The following DAB1 variants were observed in gnomAD, a reference collection of about 807,000 sequenced individuals.
The protein encoded by DAB1 is disabled homolog 1.
A neutral mutation model predicts 64.6 loss-of-function variants in DAB1; 15 were observed. The ratio of observed to expected loss-of-function variants is 0.23; its 90% CI spans 0.16 to 0.36. The LOEUF is 0.36. Among genes scored for constraint, DAB1 ranks in the 10% least tolerant of loss-of-function variants. The pLI is 1.00. For synonymous variants in DAB1, 235 were observed against 251.9 expected, an observed-to-expected ratio of 0.93 and a Z score of 0.64; for missense variants, 596 against 706.7, an observed-to-expected ratio of 0.84 and a Z score of 1.78.
At chr1:57,621,039 GAGAC>G (rs1237641096) in intron 7 of DAB1, among the ~76,000 whole-genome samples, 1 of 151,834 alleles carries the variant, frequency 6.6e-6, no homozygotes, top group African/African-American at 2.4e-5. Flanking sequence ...GAGAGAGAGA[GAGAC>G]AGAATTCACA....
At chr1:57,353,196 C>A (rs1393088362) in intron 1 of DAB1, among the ~76,000 whole-genome samples, 1 of 151,558 alleles carries the variant, frequency 6.6e-6, no homozygotes, top group Non-Finnish European at 1.5e-5. Flanking sequence ...TAATACATAG[C>A]ACTTTTCAGT....
chr1:57,752,641 C>A (rs1247927490), intron 6 of DAB1, among the ~76,000 whole-genome samples: 1 of 152,142 alleles, frequency 6.6e-6, no homozygotes, highest in Non-Finnish European at 1.5e-5. Flanking sequence ...GATGAGCAGA[C>A]TGGTGGTGTG....
At chr1:57,164,418 T>C (rs1661043413) in intron 2 of DAB1, among the ~76,000 whole-genome samples, 1 of 152,152 alleles carries the variant, frequency 6.6e-6, no homozygotes, top group Non-Finnish European at 1.5e-5. Context: ...CCTCCAGATC[T>C]TGGTGATTGA....
At chr1:57,367,166 C>T (rs1015240852) in intron 1 of DAB1, among the ~76,000 whole-genome samples, 2 of 150,616 alleles carry the variant, frequency 1.3e-5, no homozygotes, top group Admixed American at 6.6e-5. Context: ...TCCTAGTTAC[C>T]TGGGAGGCTG....
intron 5 of DAB1, among the ~76,000 whole-genome samples, chr1:57,993,368 T>C (rs767731558): frequency 6.6e-6 from 1 of 152,216 alleles, no homozygotes; most frequent in Non-Finnish European, 1.5e-5. Context: ...AATGAGCAGA[T>C]AATATATTTA....
At chr1:57,038,576 T>C (rs1647305709) in intron 9 of DAB1, among the ~76,000 whole-genome samples, 1 of 152,176 alleles carries the variant, frequency 6.6e-6, no homozygotes, top group South Asian at 2.1e-4. Flanking sequence ...TTACTCCAAT[T>C]TGGGCCTCAC....
intron 7 of DAB1, among the ~76,000 whole-genome samples, chr1:57,504,144 T>C (rs764989725): frequency 5.3e-5 from 8 of 152,340 alleles, no homozygotes; most frequent in Non-Finnish European, 1.2e-4. Context: ...AAATTGTCTA[T>C]ACTGTTAATG....
intron 5 of DAB1, among the ~76,000 whole-genome samples, chr1:58,088,312 C>T (rs759080023): frequency 1.3e-5 from 2 of 152,176 alleles, no homozygotes; most frequent in Non-Finnish European, 2.9e-5. Flanking sequence ...AAATGAGACA[C>T]GGGTTAGCGA....
intron 1 of DAB1, among the ~76,000 whole-genome samples, chr1:57,839,957 A>G (rs1652976153): frequency 6.6e-6 from 1 of 152,222 alleles, no homozygotes; most frequent in African/African-American, 2.4e-5. Context: ...TTTCAATAAG[A>G]GACAGGCATG....
chr1:58,440,110 C>T (rs144994938), intron 3 of DAB1, among the ~76,000 whole-genome samples: 42 of 152,308 alleles, frequency 2.8e-4, no homozygotes, highest in African/African-American at 9.9e-4. Flanking sequence ...ATCCTGTCTG[C>T]AGTAGGAGTG....
intron 1 of DAB1, among the ~76,000 whole-genome samples, chr1:57,419,595 A>T (rs1384629756): frequency 6.6e-6 from 1 of 152,102 alleles, no homozygotes; most frequent in Non-Finnish European, 1.5e-5. Flanking sequence ...AATATCAATG[A>T]TGGAAAACTT....
chr1:58,432,732 T>C (rs931437324), intron 3 of DAB1, among the ~76,000 whole-genome samples: 8 of 152,174 alleles, frequency 5.3e-5, no homozygotes, highest in African/African-American at 1.7e-4. Context: ...AACTGACACT[T>C]TGCCCCAATA....
At chr1:57,533,647 C>T (rs1644691795) in intron 7 of DAB1, among the ~76,000 whole-genome samples, 1 of 146,860 alleles carries the variant, frequency 6.8e-6, no homozygotes, top group Non-Finnish European at 1.5e-5. Flanking sequence ...TACCTACCTA[C>T]CATTCAGCTT....
At chr1:57,035,229 C>A (rs1445683216) in intron 9 of DAB1, among the ~76,000 whole-genome samples, 1 of 152,192 alleles carries the variant, frequency 6.6e-6, no homozygotes, top group Non-Finnish European at 1.5e-5. Context: ...TATGGCAGAG[C>A]CCCTACCAAC....
intron 4 of DAB1, among the ~76,000 whole-genome samples, chr1:58,255,343 G>C (rs1557716348): frequency 6.6e-6 from 1 of 151,892 alleles, no homozygotes; most frequent in Non-Finnish European, 1.5e-5. Context: ...AGAGGCGTTT[G>C]TCACTTGGCA....
At chr1:57,052,780 A>G (rs1370345308) in intron 9 of DAB1, among the ~76,000 whole-genome samples, 2 of 152,200 alleles carry the variant, frequency 1.3e-5, no homozygotes, top group Non-Finnish European at 2.9e-5. Context: ...TTATAGAACC[A>G]TTGATCCATT....
intron 5 of DAB1, among the ~76,000 whole-genome samples, chr1:57,921,290 T>C (rs1644804452): frequency 6.6e-6 from 1 of 151,892 alleles, no homozygotes. Flanking sequence ...GCTGGAAAAA[T>C]ATGGAAGAGA....
At chr1:58,071,724 T>A (rs1367734427) in intron 5 of DAB1, 1 of 152,150 alleles carries the variant, frequency 6.6e-6, no homozygotes, top group African/African-American at 2.4e-5. Context: ...CTCTCCTGTA[T>A]CCTTCAAAAG....
At chr1:57,438,185 A>G (rs757263489) in intron 7 of DAB1, among the ~76,000 whole-genome samples, 1 of 152,154 alleles carries the variant, frequency 6.6e-6, no homozygotes. Context: ...TTGCTAAAGA[A>G]TGTCTAACAC....
Sources: allele counts gnomAD v4.1 joint callset (sites outside exome capture counted in the v4.1 genomes callset), GRCh38; gene constraint gnomAD v4.1.1; transcripts MANE v1.5; gene names NCBI Gene and HGNC (gene_info 2026-07-23, HGNC 2026-07-21).